ZNF564: variants seen among roughly 807,000 people sequenced by gnomAD.
ZNF564 encodes the protein zinc finger protein 564.
Under a neutral mutation model 10.5 loss-of-function variants are expected in ZNF564, and 5 were observed. The ratio of observed to expected loss-of-function variants is 0.48; its 90% confidence interval spans 0.25 to 1.00. ZNF564 has a LOEUF of 1.00. Among genes scored for constraint, ZNF564 ranks in the 50% least tolerant of loss-of-function variants. The pLI is 0.16. For missense variants in ZNF564, 603 were observed against 669.7 expected (o/e 0.90, Z 1.10); for synonymous variants, 242 against 218.1 (o/e 1.11, Z -0.97).
At chr19:12,544,577 G>A (rs1018889097) in intron 1 of ZNF564, among the ~76,000 whole-genome samples, 10 of 152,014 alleles carry the variant, frequency 6.6e-5, no homozygotes, top group East Asian at 1.9e-4. Flanking sequence ...GACCACCTCC[G>A]CATGAGACGG....
intron 1 of ZNF564, chr19:12,548,799 A>G: frequency 1.4e-6 from 1 of 702,896 alleles, no homozygotes; most frequent in Non-Finnish European, 2.6e-6. Context: ...AGGATTTAGC[A>G]TTAATCACCA....
At position 12,528,316 on chromosome 19, in the gene ZNF564, C is replaced by T. The variant is rs2021733718; in HGVS notation, c.179G>A (p.Gly60Glu). The T allele has an allele frequency of 2.5e-6, 4 of 1,609,488 alleles. No individual in the cohort carries two copies. Among genetic ancestry groups the T allele is most frequent in the Non-Finnish European group, 3.4e-6 (4 of 1,179,054 alleles). Residue 60 changes from glycine to glutamate, a missense_variant, in exon 3 of 4, where the codon GGG (glycine) becomes GAG (glutamate). Physicochemically the swap from Gly to Glu is moderately conservative, Grantham distance 98. Transcript: ENST00000339282. ...CAGTGCAAATTACCTTAAAATTCTC[C>T]CCTGATTTTTGTACCAATCTTCAAT... ...QSIEDWYKNQ[G>E]RILRNHMEEG... is the part of the protein sequence containing the mutation.
Position 12,534,486 on chromosome 19 carries a change from A to G in ZNF564, c.4-5790T>C, listed in dbSNP as rs2021868590. 2.6e-5 allele frequency among the ~76,000 whole-genome samples: 4 copies of G among 152,260 alleles called. No individual in the cohort carries two copies. The South Asian group carries it at 6.2e-4, about 24-fold the overall frequency. On this transcript the variant is annotated intron_variant, in intron 1 of 3. Transcript: ENST00000339282. ...TACTTGTGGGAATGGAAAACAGTGC[A>G]CCTATTTTGGAAGATGGTCAGTTTC...
At chr19:12,536,602 G>C (rs1447947582) in intron 1 of ZNF564, among the ~76,000 whole-genome samples, 1 of 152,146 alleles carries the variant, frequency 6.6e-6, no homozygotes, top group African/African-American at 2.4e-5. Flanking sequence ...TAGGAGCCCA[G>C]CACTGTATAT....
intron 1 of ZNF564, chr19:12,529,990 A>G (rs1022061845): frequency 6.3e-6 from 1 of 158,014 alleles, no homozygotes; most frequent in African/African-American, 2.4e-5. Flanking sequence ...GTCTCAAAAA[A>G]AAAAAAAAAA....
intron 1 of ZNF564, among the ~76,000 whole-genome samples, chr19:12,540,918 A>C (rs2022033033): frequency 6.6e-6 from 1 of 150,902 alleles, no homozygotes; most frequent in African/African-American, 2.4e-5. Flanking sequence ...AGGCTGAGGT[A>C]GGAGAATTGC....
In ZNF564 at chr19:12,547,439, TA is replaced by T. The variant is rs148003132; in HGVS notation, c.3+3890del. Among the ~76,000 whole-genome samples, 10 of 152,282 alleles carry T rather than the reference TA, an allele frequency of 6.6e-5. No homozygotes were observed. In the East Asian group the frequency reaches 1.7e-3, roughly 26 times the overall value. On this transcript the variant is annotated intron_variant, in intron 1 of 3. Coordinates refer to ENST00000339282, the MANE Select transcript of ZNF564 (RefSeq NM_144976.4). ...ACCTTTTCGTTATACTCCTTTCACA[TA>T]AAGTCACTTCTTACCTAACTCCGGA...
chr19:12,545,799 A>G (rs1406025877), intron 1 of ZNF564, among the ~76,000 whole-genome samples: 1 of 152,154 alleles, frequency 6.6e-6, no homozygotes, highest in Non-Finnish European at 1.5e-5. Context: ...CAATGTCCTC[A>G]TCAACCTGGA....
At chr19:12,534,801 A>C (rs1199222162) in intron 1 of ZNF564, among the ~76,000 whole-genome samples, 1 of 151,840 alleles carries the variant, frequency 6.6e-6, no homozygotes, top group Non-Finnish European at 1.5e-5. Flanking sequence ...ACGACAGAGC[A>C]AAACTCTGTC....
intron 1 of ZNF564, among the ~76,000 whole-genome samples, chr19:12,548,525 AT>A (rs1218654875): frequency 1.3e-5 from 2 of 151,820 alleles, no homozygotes; most frequent in East Asian, 3.9e-4. Context: ...AATTTTTTGT[AT>A]TTTTTAGTAG....
At chr19:12,535,367 C>T (rs546044951) in intron 1 of ZNF564, among the ~76,000 whole-genome samples, 3 of 151,866 alleles carry the variant, frequency 2.0e-5, no homozygotes, top group Non-Finnish European at 2.9e-5. Context: ...AGTGAGACTC[C>T]GTCTCAAAAA....
intron 1 of ZNF564, among the ~76,000 whole-genome samples, chr19:12,532,740 A>T (rs2021834227): frequency 6.6e-6 from 1 of 151,840 alleles, no homozygotes; most frequent in Non-Finnish European, 1.5e-5. Flanking sequence ...AAATAAATTA[A>T]ATTTTTAAAA....
At chr19:12,541,875 C>T (rs892322204) in intron 1 of ZNF564, among the ~76,000 whole-genome samples, 7 of 151,278 alleles carry the variant, frequency 4.6e-5, no homozygotes, top group East Asian at 1.9e-4. Flanking sequence ...ATTAGCTGGG[C>T]GTAGTGGCAG....
chr19:12,540,909 G>A (rs1051337435), intron 1 of ZNF564, among the ~76,000 whole-genome samples: 8 of 151,508 alleles, frequency 5.3e-5, no homozygotes, highest in Admixed American at 4.6e-4. Flanking sequence ...CTACTCGAGA[G>A]GCTGAGGTAG....
At chr19:12,549,044 T>C (rs544216373) in intron 1 of ZNF564, among the ~76,000 whole-genome samples, 163 of 138,534 alleles carry the variant, frequency 1.2e-3, no homozygotes, top group African/African-American at 3.9e-3. Context: ...AAGAAGAAAA[T>C]AGACCTGAGA....
At chr19:12,542,308 C>CAAA (rs35733202) in intron 1 of ZNF564, among the ~76,000 whole-genome samples, 20 of 63,132 alleles carry the variant, frequency 3.2e-4, no homozygotes, top group South Asian at 7.4e-4. Flanking sequence ...GACTCTGTCT[C>CAAA]AAAAAAAAAA....
chr19:12,530,812 A>G (rs1195385149), intron 1 of ZNF564, among the ~76,000 whole-genome samples: 1 of 152,138 alleles, frequency 6.6e-6, no homozygotes, highest in African/African-American at 2.4e-5. Context: ...CGTCATCCAC[A>G]CTGGAGTGCA....
At chr19:12,541,922 G>A (rs936953202) in intron 1 of ZNF564, among the ~76,000 whole-genome samples, 31 of 147,664 alleles carry the variant, frequency 2.1e-4, no homozygotes, top group African/African-American at 6.8e-4. Flanking sequence ...GGCTGAGGCC[G>A]AGGAATCGCT....
rs1232827406 is a variant in ZNF564 at position 12,528,658 on chromosome 19, TGTGAAGTTCACAGCC to T, written c.27_41del (p.Ala10_Thr14del). On this transcript the variant is annotated inframe_deletion, in exon 2 of 4. Coordinates refer to ENST00000339282, the MANE Select transcript of ZNF564 (RefSeq NM_144976.4). ...GATCCAGCAAAGCCCACTCCTCAAG[TGTGAAGTTCACAGCC>T]ACATCCTCAGAGGCCACTGAGTCCT... The T allele has an allele frequency of 3.1e-6, 5 of 1,613,516 alleles. No individual in the cohort carries two copies. Among genetic ancestry groups the T allele is most frequent in the Non-Finnish European group, 4.2e-6 (5 of 1,179,926 alleles).
Sources: gnomAD v4.1 joint callset for allele counts (sites outside exome capture counted in the v4.1 genomes callset) on GRCh38, gnomAD v4.1.1 for gene constraint, MANE v1.5 for transcripts, NCBI Gene and HGNC (gene_info 2026-07-23, HGNC 2026-07-21) for gene names.